EFCAB6: variants seen among roughly 807,000 people sequenced by gnomAD.
EFCAB6 encodes EF-hand calcium binding domain 6.
EFCAB6 carries 156 observed loss-of-function variants against 169.8 expected under a neutral mutation model. That is an observed-to-expected ratio of 0.92 (90% CI 0.81 to 1.05). The LOEUF (loss-of-function observed/expected upper bound fraction) is 1.05, where lower values mean the gene tolerates loss of function less well. EFCAB6 is among the 50% of genes least tolerant of loss of function. The pLI is 0.00. For missense variants in EFCAB6, 1,800 were observed against 1,829.1 expected (o/e 0.98, Z 0.29); for synonymous variants, 698 against 676.4 (o/e 1.03, Z -0.50).
At position 43,688,696 on chromosome 22, in the gene EFCAB6, C is replaced by A. The variant is rs12159826; in HGVS notation, c.1032-1115G>T. On this transcript the variant is annotated intron_variant, in intron 10 of 31. Coordinates refer to ENST00000262726, the MANE Select transcript of EFCAB6 (RefSeq NM_022785.4). ...TTAGAGCTAATAGGTCAAAAAGCCT[C>A]GGTTGCAGGCTGGAAAACCAGCAAG... Among the ~76,000 whole-genome samples, 1,328 of 152,308 alleles carry A rather than the reference C, an allele frequency of 8.7e-3. 19 individuals carry two copies. The highest frequency in any genetic ancestry group is 0.031 in the African/African-American group (1,283 of 41,560).
chr22:43,642,455 C>T (rs933304981), intron 17 of EFCAB6, among the ~76,000 whole-genome samples: 4 of 152,078 alleles, frequency 2.6e-5, no homozygotes, highest in Non-Finnish European at 5.9e-5. Context: ...CCACCTCCCC[C>T]ATACCAGGGA....
At chr22:43,811,298 A>AGGGAAGGGGAGGGGAGCGGAG (rs1244438942) in intron 1 of EFCAB6, among the ~76,000 whole-genome samples, 26 of 102,818 alleles carry the variant, frequency 2.5e-4, no homozygotes, top group Non-Finnish European at 4.4e-4. Context: ...AGGCGAGGGG[A>AGGGAAGGGGAGGGGAGCGGAG]GGGAAGGGGA....
intron 10 of EFCAB6, among the ~76,000 whole-genome samples, chr22:43,693,216 C>T (rs996593291): frequency 2.6e-5 from 4 of 151,756 alleles, no homozygotes; most frequent in African/African-American, 7.3e-5. Context: ...TGTAAAGACC[C>T]GGATAGGCTG....
intron 3 of EFCAB6, among the ~76,000 whole-genome samples, chr22:43,778,245 T>C (rs2061700650): frequency 6.6e-6 from 1 of 152,166 alleles, no homozygotes; most frequent in Non-Finnish European, 1.5e-5. Context: ...CCAGGGACCT[T>C]GGTCACAGAG....
At chr22:43,539,579 C>G (rs1032995980) in intron 28 of EFCAB6, among the ~76,000 whole-genome samples, 1 of 152,160 alleles carries the variant, frequency 6.6e-6, no homozygotes, top group Non-Finnish European at 1.5e-5. Flanking sequence ...AAAAAAGAGG[C>G]TTGGCAAGCC....
chr22:43,711,926 A>G (rs1459322615), intron 9 of EFCAB6, among the ~76,000 whole-genome samples: 1 of 152,162 alleles, frequency 6.6e-6, no homozygotes, highest in African/African-American at 2.4e-5. Flanking sequence ...GGTTTGATAC[A>G]TCTTCCTTAA....
chr22:43,548,352 C>G, intron 27 of EFCAB6, among the ~76,000 whole-genome samples: 1 of 151,512 alleles, frequency 6.6e-6, no homozygotes, highest in Non-Finnish European at 1.5e-5. Flanking sequence ...ACCAGCCTGG[C>G]CAACATGGTG....
chr22:43,731,174 G>C (rs1222868936), intron 8 of EFCAB6, among the ~76,000 whole-genome samples: 1 of 152,172 alleles, frequency 6.6e-6, no homozygotes, highest in Non-Finnish European at 1.5e-5. Context: ...TCGTATGGAG[G>C]AGGCTGGAGT....
chr22:43,638,783 C>A lies in EFCAB6; in HGVS notation c.1984-3567G>T, dbSNP rs1271002177. 1.3e-5 allele frequency among the ~76,000 whole-genome samples: 2 copies of A among 151,920 alleles called. 1 individual carries two copies. The highest frequency in any genetic ancestry group is 2.9e-5 in the Non-Finnish European group (2 of 67,992). On this transcript the variant is annotated intron_variant, in intron 17 of 31. Transcript: ENST00000262726. Reference sequence around the variant, plus strand: ...GCAACCTTATAGAGGTCTCCTGCACCCTGTTCTTTTTTTTTTTTTGAGACG... The same window carrying A: ...GCAACCTTATAGAGGTCTCCTGCACACTGTTCTTTTTTTTTTTTTGAGACG...
rs182893273 is a variant in EFCAB6 at position 43,731,478 on chromosome 22, C to G, written c.757+221G>C. Among the ~76,000 whole-genome samples, 277 of 152,266 alleles carry G rather than the reference C, an allele frequency of 1.8e-3. 4 individuals are homozygous for G. The highest frequency in any genetic ancestry group is 0.015 in the Admixed American group (235 of 15,298). On this transcript the variant is annotated intron_variant, in intron 8 of 31. Transcript: ENST00000262726. ...TTAACTCTTCATGGATATCCTTGTTCCTGGCTGTAGATTTTACCACATGGC... is the reference window on the plus strand; with the variant it reads ...TTAACTCTTCATGGATATCCTTGTTGCTGGCTGTAGATTTTACCACATGGC...
chr22:43,792,925 G>A (rs371232860), intron 2 of EFCAB6, among the ~76,000 whole-genome samples: 5 of 152,196 alleles, frequency 3.3e-5, no homozygotes, highest in African/African-American at 1.2e-4. Context: ...CGCATTACCC[G>A]GCTCTCTAAG....
intron 6 of EFCAB6, among the ~76,000 whole-genome samples, chr22:43,738,861 CAT>C (rs1484439475): frequency 5.9e-5 from 9 of 152,192 alleles, no homozygotes; most frequent in East Asian, 1.9e-4. Context: ...TCCATCCCCA[CAT>C]GAGACAGGTG....
chr22:43,564,447 CAGAAAAAAAA>C (rs1002886885), intron 26 of EFCAB6, among the ~76,000 whole-genome samples: 2 of 130,540 alleles, frequency 1.5e-5, no homozygotes, highest in African/African-American at 5.6e-5. Context: ...AACTATGTCT[CAGAAAAAAAA>C]AGAAAAAAAA....
intron 2 of EFCAB6, among the ~76,000 whole-genome samples, chr22:43,805,239 G>A (rs1263540313): frequency 1.3e-5 from 2 of 152,072 alleles, no homozygotes; most frequent in Non-Finnish European, 2.9e-5. Context: ...AAACAGAAAG[G>A]TATTTCATGC....
At chr22:43,545,712 G>T (rs2147111397) in intron 27 of EFCAB6, among the ~76,000 whole-genome samples, 1 of 152,280 alleles carries the variant, frequency 6.6e-6, no homozygotes, top group East Asian at 1.9e-4. Context: ...GCTCCGGGCT[G>T]GGCACAGACC....
chr22:43,696,588 T>A (rs2058584724), intron 10 of EFCAB6, among the ~76,000 whole-genome samples: 1 of 152,154 alleles, frequency 6.6e-6, no homozygotes, highest in Admixed American at 6.5e-5. Context: ...AATTGTGATA[T>A]ATCAATACTA....
chr22:43,573,556 C>A (rs898883927), intron 26 of EFCAB6, among the ~76,000 whole-genome samples: 1 of 151,940 alleles, frequency 6.6e-6, no homozygotes, highest in Non-Finnish European at 1.5e-5. Flanking sequence ...CATGGAGAAA[C>A]CCCATCTCTA....
chr22:43,795,598 C>T lies in EFCAB6; in HGVS notation c.-7-13273G>A, dbSNP rs916298946. ...ACCCTGCATCTTCCTTGCAGAGTCT[C>T]TCACACAGCCTGCACTTCTCCGGCA... On this transcript the variant is annotated intron_variant, in intron 2 of 31. Transcript: ENST00000262726. The surrounding 1 kb of genome is among the most constrained non-coding windows in gnomAD (Gnocchi z 4.2). 6.6e-6 allele frequency among the ~76,000 whole-genome samples: 1 copy of T among 152,052 alleles called. No homozygotes were observed. The highest frequency in any genetic ancestry group is 2.4e-5 in the African/African-American group (1 of 41,376).
chr22:43,738,235 C>T (rs980858105), intron 6 of EFCAB6, among the ~76,000 whole-genome samples: 17 of 151,380 alleles, frequency 1.1e-4, no homozygotes, highest in African/African-American at 4.1e-4. Flanking sequence ...CACATTCACA[C>T]CATCACACAC....
Sources: allele counts gnomAD v4.1 joint callset (sites outside exome capture counted in the v4.1 genomes callset), GRCh38; gene constraint gnomAD v4.1.1; non-coding constraint Gnocchi (gnomAD v3.1); transcripts MANE v1.5; gene names NCBI Gene and HGNC (gene_info 2026-07-23, HGNC 2026-07-21).